SYT12: variants seen among roughly 807,000 people sequenced by gnomAD.
SYT12 encodes synaptotagmin-12.
SYT12 carries 27 observed loss-of-function variants against 39.5 expected under a neutral mutation model. The ratio of observed to expected loss-of-function variants is 0.68; its 90% CI spans 0.50 to 0.94. The LOEUF is 0.94. Ranked by LOEUF, SYT12 falls within the 40% of genes least tolerant of loss-of-function variation. SYT12 has a pLI of 0.00. For missense variants in SYT12, 536 were observed against 572.6 expected (o/e 0.94, Z 0.65); for synonymous variants, 233 against 239.7 (o/e 0.97, Z 0.26).
upstream of SYT12, among the ~76,000 whole-genome samples, chr11:67,020,331 G>A (rs1401167738): frequency 6.6e-6 from 1 of 152,222 alleles, no homozygotes; most frequent in Non-Finnish European, 1.5e-5. Context: ...GCAGGTGACA[G>A]GGATGGTGGC....
chr11:67,019,377 C>T (rs1012286974), upstream of SYT12, among the ~76,000 whole-genome samples: 3 of 151,592 alleles, frequency 2.0e-5, no homozygotes, highest in Non-Finnish European at 4.4e-5. Flanking sequence ...GAGATTCAGG[C>T]AGGAGAATCG....
chr11:67,035,511 G>A (rs1565336732), intron 3 of SYT12, among the ~76,000 whole-genome samples: 2 of 139,024 alleles, frequency 1.4e-5, no homozygotes. Flanking sequence ...AGGCTGGAGT[G>A]CAGTGGGGCA....
At position 67,039,820 on chromosome 11, in the gene SYT12, G is replaced by T; in HGVS notation, c.238G>T (p.Ala80Ser). Residue 80 changes from alanine to serine, a missense_variant, in exon 4 of 8, where the codon GCC (alanine) becomes TCC (serine). Physicochemically the swap from Ala to Ser is moderately conservative, Grantham distance 99. Transcript: ENST00000527043. ...TCTTTCTCACCCCTAGAGAGTGCCTGCCTGGAATGCCCAGCGGGCCAGCAC... is the reference window on the plus strand; with the variant it reads ...TCTTTCTCACCCCTAGAGAGTGCCTTCCTGGAATGCCCAGCGGGCCAGCAC... The part of the protein sequence containing the change: ...CAEAREKRVP[A>S]WNAQRASTRG... 7 of 1,610,122 alleles carry T rather than the reference G, an allele frequency of 4.3e-6. No homozygotes were observed. Among genetic ancestry groups the T allele is most frequent in the Non-Finnish European group, 5.9e-6 (7 of 1,179,252 alleles).
At chr11:67,020,573 CCCCAG>C (rs1425522046), upstream of SYT12, among the ~76,000 whole-genome samples, 43 of 152,286 alleles carry the variant, frequency 2.8e-4, no homozygotes, top group African/African-American at 1.0e-3. Flanking sequence ...GTGACCAGCA[CCCCAG>C]CATCCTCCCG....
Position 67,039,870 on chromosome 11 carries a change from C to G in SYT12, c.288C>G (p.Gly96=). 5 of 1,613,500 alleles carry G rather than the reference C, an allele frequency of 3.1e-6. No homozygotes were observed. The change falls in exon 4 of 8, where the codon GGC becomes GGG. Residue 96 remains glycine (G), a synonymous_variant. Coordinates refer to ENST00000527043, the MANE Select transcript of SYT12 (RefSeq NM_177963.4). ...CGCGGGGACCACCCAGCCGCAAAGG[C>G]AGTCTCAGCATTGAGGACACCTTTG... ...ASTRGPPSRK[G]SLSIEDTFES...
chr11:67,029,435 G>A (rs1950227333), intron 1 of SYT12: 1 of 152,206 alleles, frequency 6.6e-6, no homozygotes, highest in South Asian at 2.1e-4. Flanking sequence ...AATGAGCTGG[G>A]GTTGCCAGAT....
At chr11:67,009,323 C>CT (rs1317354798) in intron 1 of SYT12, among the ~76,000 whole-genome samples, 5 of 151,208 alleles carry the variant, frequency 3.3e-5, no homozygotes, top group Admixed American at 6.6e-5. Flanking sequence ...GATTTTTTTT[C>CT]TTTTTTTTGA....
chr11:67,015,173 C>T (rs1456664944), intron 3 of SYT12, among the ~76,000 whole-genome samples: 3 of 152,174 alleles, frequency 2.0e-5, no homozygotes, highest in Non-Finnish European at 4.4e-5. Context: ...TAAGCTTCCC[C>T]CAACCAAGGG....
chr11:67,009,250 C>T (rs1393676811), intron 1 of SYT12, among the ~76,000 whole-genome samples: 2 of 152,144 alleles, frequency 1.3e-5, no homozygotes, highest in African/African-American at 2.4e-5. Context: ...AAGTGATCCC[C>T]ATGCCTTGGC....
intron 1 of SYT12, chr11:67,029,203 A>G (rs1955711731): frequency 6.6e-6 from 1 of 152,354 alleles, no homozygotes; most frequent in Admixed American, 6.5e-5. Flanking sequence ...GAACAACTTA[A>G]GCCTCAGTCA....
Position 67,048,749 on chromosome 11 carries a change from C to A in SYT12, c.1258C>A (p.Arg420=). The A allele has an allele frequency of 6.3e-7, 1 of 1,593,536 alleles. No homozygotes were observed. The highest frequency in any genetic ancestry group is 8.6e-7 in the Non-Finnish European group (1 of 1,163,820). ...CGTGTCCATGTGGCACGCTGTCCGG[C>A]GAAACTAGCAACCAGGGCGGGCCAG... ...RPVSMWHAVR[R]N Residue 420 remains arginine, a synonymous_variant, in exon 8 of 8, where the codon CGA becomes AGA. Coordinates refer to ENST00000527043, the MANE Select transcript of SYT12 (RefSeq NM_177963.4).
intron 4 of SYT12, among the ~76,000 whole-genome samples, 168 bp from the exon 5 acceptor site, chr11:67,043,470 G>A (rs1410690827): frequency 6.6e-6 from 1 of 152,156 alleles, no homozygotes; most frequent in Admixed American, 6.6e-5. Flanking sequence ...GAGGACAGGA[G>A]GCTTTTAAAC....
intron 1 of SYT12, 55 bp from the exon 2 acceptor site, chr11:67,030,067 G>A: frequency 6.4e-7 from 1 of 1,573,578 alleles, no homozygotes; most frequent in Non-Finnish European, 8.7e-7. Flanking sequence ...CAGGACCTAG[G>A]AGCGGGACGC....
At chr11:67,028,485 T>G (rs1046657981) in intron 1 of SYT12, 3 of 151,928 alleles carry the variant, frequency 2.0e-5, no homozygotes, top group Non-Finnish European at 4.4e-5. Context: ...CTTAAGGGGG[T>G]AGACTAGGAC....
chr11:67,046,063 C>A (rs926522318), intron 7 of SYT12, among the ~76,000 whole-genome samples, 186 bp downstream of exon 7: 1 of 151,930 alleles, frequency 6.6e-6, no homozygotes, highest in African/African-American at 2.4e-5. Flanking sequence ...ACAGGCATGG[C>A]TTTCTCGGTG....
chr11:67,027,872 G>C (rs551857696), intron 1 of SYT12: 2 of 152,368 alleles, frequency 1.3e-5, no homozygotes, highest in Admixed American at 1.3e-4. Flanking sequence ...TCTGATTCCC[G>C]GCAAGGCAGA....
At chr11:67,033,046 A>C (rs1343059642) in intron 2 of SYT12, 1 of 152,746 alleles carries the variant, frequency 6.5e-6, no homozygotes, top group Non-Finnish European at 1.5e-5. Context: ...AGCAGACAGC[A>C]GGGCAGGCTA....
intron 1 of SYT12, chr11:67,028,062 A>G (rs1366084838): frequency 6.6e-6 from 1 of 152,232 alleles, no homozygotes; most frequent in East Asian, 1.9e-4. Flanking sequence ...GGTTAGGAGC[A>G]TGGAGCCAGT....
At chr11:67,007,651 G>A (rs1174714801) in intron 1 of SYT12, among the ~76,000 whole-genome samples, 1 of 152,102 alleles carries the variant, frequency 6.6e-6, no homozygotes, top group Non-Finnish European at 1.5e-5. Context: ...TGCAACCTCC[G>A]CCTCCCGGGT....
Sources: gnomAD v4.1 joint callset for allele counts (sites outside exome capture counted in the v4.1 genomes callset) on GRCh38, gnomAD v4.1.1 for gene constraint, MANE v1.5 for transcripts, NCBI Gene and HGNC (gene_info 2026-07-23, HGNC 2026-07-21) for gene names.